SGSM1: variants seen among roughly 807,000 people sequenced by gnomAD.
SGSM1 encodes small G protein signaling modulator 1, also known as RUN and TBC1 domain containing 2.
In SGSM1, 73 loss-of-function variants were observed where a neutral mutation model predicts 133.8. The observed-to-expected ratio is 0.55, with a 90% confidence interval of 0.45 to 0.66. The LOEUF (loss-of-function observed/expected upper bound fraction) is 0.66. SGSM1 is among the 30% of genes least tolerant of loss of function. The pLI, the probability that SGSM1 is intolerant of heterozygous loss-of-function variation, is 0.00. For missense variants in SGSM1, 1,213 were observed against 1,448.1 expected (o/e 0.84, Z 2.64); for synonymous variants, 563 against 573.0 (o/e 0.98, Z 0.25).
rs369096752 is a variant in SGSM1 at position 24,847,734 on chromosome 22, C to T, written c.240C>T (p.Asn80=). Reference sequence around the variant, plus strand: ...CCCTCTTTATGAAAGTGGGCAAGAACTTCCCGCCGGCTGAGGATCTGAGCC... The same window carrying T: ...CCCTCTTTATGAAAGTGGGCAAGAATTTCCCGCCGGCTGAGGATCTGAGCC... ...IAALFMKVGK[N]FPPAEDLSRK... is the part of the protein sequence containing the mutation. The change falls in exon 4 of 25, where the codon AAC becomes AAT. Residue 80 remains asparagine (N), a synonymous_variant. Coordinates refer to ENST00000400358, the MANE Select transcript of SGSM1 (RefSeq NM_001098497.3). 1 of 1,613,948 alleles carries T rather than the reference C, an allele frequency of 6.2e-7. No individual in the cohort carries two copies. The highest frequency in any genetic ancestry group is 8.5e-7 in the Non-Finnish European group (1 of 1,179,892).
At chr22:24,878,720 C>T (rs1932161275) in intron 13 of SGSM1, among the ~76,000 whole-genome samples, 1 of 152,182 alleles carries the variant, frequency 6.6e-6, no homozygotes, top group Non-Finnish European at 1.5e-5. Context: ...CCCAAAAATT[C>T]CCATGCAAGG....
At chr22:24,893,088 G>A (rs1343173296) in intron 16 of SGSM1, among the ~76,000 whole-genome samples, 1 of 149,408 alleles carries the variant, frequency 6.7e-6, no homozygotes, top group Admixed American at 6.7e-5. Context: ...GCGGAGGGGG[G>A]GGAGGGAAAG....
Position 24,847,662 on chromosome 22 carries a change from G to A in SGSM1, c.168G>A (p.Gly56=). 6.2e-7 allele frequency: 1 copy of A among 1,613,704 alleles called. No homozygotes were observed. Among genetic ancestry groups the A allele is most frequent in the Non-Finnish European group, 8.5e-7 (1 of 1,179,844 alleles). Residue 56 remains glycine, a synonymous_variant, in exon 4 of 25, where the codon GGG becomes GGA. Transcript: ENST00000400358. ...CTGTGGAGGCCTGCGTTCTGCACGG[G>A]CTTCGGCGGCGGGCGGCTGGCTTCC... The part of the protein sequence containing the change: ...CAAVEACVLH[G]LRRRAAGFLR...
chr22:24,842,115 G>A (rs1329415074), intron 2 of SGSM1, among the ~76,000 whole-genome samples: 1 of 152,188 alleles, frequency 6.6e-6, no homozygotes, highest in Non-Finnish European at 1.5e-5. Context: ...CTGGGTGCTT[G>A]GCAACTGCCT....
At chr22:24,908,097 A>G (rs138195791) in intron 21 of SGSM1, among the ~76,000 whole-genome samples, 384 of 152,224 alleles carry the variant, frequency 2.5e-3, no homozygotes, top group Admixed American at 6.7e-3. Flanking sequence ...AGAGATACTA[A>G]GACAATTCAA....
chr22:24,882,030 C>T (rs1277145940), intron 14 of SGSM1, among the ~76,000 whole-genome samples: 3 of 151,978 alleles, frequency 2.0e-5, no homozygotes, highest in Admixed American at 2.0e-4. Context: ...CTTTTTAATC[C>T]AGCTTCAATT....
At chr22:24,806,549 G>A (rs963426863) in intron 2 of SGSM1, 65 bp downstream of exon 2, 1 of 1,473,356 alleles carries the variant, frequency 6.8e-7, no homozygotes, top group South Asian at 1.3e-5. Context: ...CGGGAAAAGA[G>A]TCTTCGTGGA....
intron 23 of SGSM1, among the ~76,000 whole-genome samples, chr22:24,918,347 T>A (rs139149199): frequency 6.6e-6 from 1 of 151,622 alleles, no homozygotes; most frequent in African/African-American, 2.4e-5. Context: ...ATACAAAAAA[T>A]TGGCCGGGCA....
At chr22:24,848,783 T>C (rs1187816806) in intron 4 of SGSM1, among the ~76,000 whole-genome samples, 1 of 152,200 alleles carries the variant, frequency 6.6e-6, no homozygotes, top group Non-Finnish European at 1.5e-5. Flanking sequence ...GCATGTCCTA[T>C]GTTTGCAGTC....
Position 24,847,694 on chromosome 22 carries a change from G to C in SGSM1, c.200G>C (p.Ser67Thr), listed in dbSNP as rs1172133003. 34 of 1,613,886 alleles carry C rather than the reference G, an allele frequency of 2.1e-5. No individual in the cohort carries two copies. Among genetic ancestry groups the C allele is most frequent in the Non-Finnish European group, 2.2e-5 (26 of 1,179,872 alleles). The change falls in exon 4 of 25, where the codon AGC becomes ACC. Residue 67 changes from serine to threonine, a missense_variant. By Grantham distance (58) the Ser-to-Thr change is moderately conservative. Coordinates refer to ENST00000400358, the MANE Select transcript of SGSM1 (RefSeq NM_001098497.3). ...CGGCGGGCGGCTGGCTTCCTACGCA[G>C]CAATAAGATTGCAGCCCTCTTTATG... is the stretch of plus-strand genomic sequence containing the variant. ...LRRRAAGFLR[S>T]NKIAALFMKV...
At chr22:24,919,676 T>A in intron 23 of SGSM1, 150 bp from the exon 24 acceptor site, 1 of 737,712 alleles carries the variant, frequency 1.4e-6, no homozygotes, top group Non-Finnish European at 2.2e-6. Context: ...GTCTCCTGCC[T>A]TCTGACCTGA....
At chr22:24,814,868 G>A (rs1927973832) in intron 2 of SGSM1, among the ~76,000 whole-genome samples, 1 of 152,184 alleles carries the variant, frequency 6.6e-6, no homozygotes, top group Admixed American at 6.5e-5. Context: ...CTGAGTCTTG[G>A]CTGGCTGCAT....
At chr22:24,847,920 C>T (rs554923333) in intron 4 of SGSM1, 124 bp downstream of exon 4, 138 of 1,314,848 alleles carry the variant, frequency 1.0e-4, no homozygotes, top group Non-Finnish European at 1.3e-4. Flanking sequence ...TTCTCAAACC[C>T]ACCAGACTCT....
intron 2 of SGSM1, among the ~76,000 whole-genome samples, chr22:24,812,095 G>A (rs1174108823): frequency 2.0e-5 from 3 of 151,248 alleles, no homozygotes; most frequent in African/African-American, 7.3e-5. Flanking sequence ...GCTTGAACCC[G>A]GGAGGTGGAG....
At chr22:24,839,952 T>TTTTTA (rs398036664) in intron 2 of SGSM1, among the ~76,000 whole-genome samples, 1 of 112,290 alleles carries the variant, frequency 8.9e-6, no homozygotes, top group Admixed American at 9.4e-5. Flanking sequence ...TTTTTTTTTT[T>TTTTTA]GAGATGATAT....
Position 24,919,893 on chromosome 22 carries a change from G to A in SGSM1, c.3093G>A (p.Ala1031=), listed in dbSNP as rs779197204. 7.9e-5 allele frequency: 128 copies of A among 1,613,914 alleles called. No homozygotes were observed. The South Asian group carries it at 1.1e-3, about 14-fold the overall frequency. Residue 1031 remains alanine (A), a synonymous_variant, in exon 24 of 25, where the codon GCG becomes GCA. Transcript: ENST00000400358. ...GGGCAGCCAAACACGTCTCCTCTGC[G>A]CACTACGTCCTGTTCATTGCGCTGG... ...TIWAAKHVSS[A]HYVLFIALAL... is the part of the protein sequence containing the mutation.
chr22:24,834,413 C>A (rs1223658121), intron 2 of SGSM1, among the ~76,000 whole-genome samples: 1 of 152,236 alleles, frequency 6.6e-6, no homozygotes, highest in Non-Finnish European at 1.5e-5. Context: ...TGGGACACAG[C>A]CATGCCCATT....
At position 24,876,621 on chromosome 22, in the gene SGSM1, C is replaced by T. The variant is rs752102457; in HGVS notation, c.1336C>T (p.Leu446=). 6.2e-7 allele frequency: 1 copy of T among 1,614,008 alleles called. No homozygotes were observed. Among genetic ancestry groups the T allele is most frequent in the Admixed American group, 1.7e-5 (1 of 60,016 alleles). The change falls in exon 13 of 25, where the codon CTG becomes TTG. Residue 446 remains leucine (L), a synonymous_variant. Transcript: ENST00000400358. ...CGTCTCTGTAAGCAACCTCCCATCCCTGTGGCAGCCCAGTCCCCGGAAGTC... is the reference window on the plus strand; with the variant it reads ...CGTCTCTGTAAGCAACCTCCCATCCTTGTGGCAGCCCAGTCCCCGGAAGTC... ...MDVSVSNLPS[L]WQPSPRKSSC...
chr22:24,861,739 G>C (rs1490076931), intron 9 of SGSM1, among the ~76,000 whole-genome samples: 2 of 151,498 alleles, frequency 1.3e-5, no homozygotes, highest in Non-Finnish European at 2.9e-5. Flanking sequence ...TTAGATACGG[G>C]GTTTCATCGT....
Sources: allele counts gnomAD v4.1 joint callset (sites outside exome capture counted in the v4.1 genomes callset), GRCh38; gene constraint gnomAD v4.1.1; transcripts MANE v1.5; gene names NCBI Gene and HGNC (gene_info 2026-07-23, HGNC 2026-07-21).